KALRN: variants seen among roughly 807,000 people sequenced by gnomAD.
KALRN encodes kalirin.
KALRN carries 70 observed loss-of-function variants against 353.7 expected under a neutral mutation model. That is an observed-to-expected ratio of 0.20 (90% CI 0.16 to 0.24). The LOEUF is 0.24. KALRN is among the 10% of genes least tolerant of loss of function. The pLI, the probability that KALRN is intolerant of heterozygous loss-of-function variation, is 1.00. For missense variants in KALRN, 2,791 were observed against 3,756.7 expected (o/e 0.74, Z 6.72); for synonymous variants, 1,391 against 1,434.8 (o/e 0.97, Z 0.69).
At position 124,114,303 on chromosome 3, in the gene KALRN, A is replaced by G. The variant is rs141415070; in HGVS notation, c.73+80490A>G. ...AGAAATGGGATTTGGGGATACCATG[A>G]GCTCTTTTTCCCAGGGGTTCTTCTT... is the stretch of plus-strand genomic sequence containing the variant. On this transcript the variant is annotated intron_variant, in intron 1 of 59. Transcript: ENST00000682506. Among the ~76,000 whole-genome samples, 5 of 152,310 alleles carry G rather than the reference A, an allele frequency of 3.3e-5. No individual in the cohort carries two copies. In the East Asian group the frequency reaches 9.7e-4, roughly 29 times the overall value.
intron 57 of KALRN, among the ~76,000 whole-genome samples, chr3:124,702,503 T>C (rs2062389361): frequency 1.3e-5 from 2 of 152,210 alleles, no homozygotes; most frequent in Admixed American, 6.5e-5. Context: ...ATATGAGATT[T>C]TTAAAGGTAT....
At chr3:124,654,368 T>C (rs2083758130) in intron 38 of KALRN, among the ~76,000 whole-genome samples, 1 of 152,212 alleles carries the variant, frequency 6.6e-6, no homozygotes, top group South Asian at 2.1e-4. Flanking sequence ...CTTCTGGGGC[T>C]ATACGGAGCA....
intron 5 of KALRN, among the ~76,000 whole-genome samples, chr3:124,280,308 T>C (rs1425310399): frequency 2.0e-5 from 3 of 152,104 alleles, no homozygotes; most frequent in East Asian, 1.9e-4. Flanking sequence ...AAGTCCTCCT[T>C]CCAGCAGGCC....
chr3:124,047,659 ATTT>A (rs34217738), intron 1 of KALRN, among the ~76,000 whole-genome samples: 4 of 125,022 alleles, frequency 3.2e-5, no homozygotes, highest in African/African-American at 1.1e-4. Flanking sequence ...CGCCTGGCTA[ATTT>A]TTTTTTATTT....
chr3:124,595,044 G>A (rs188595686), intron 34 of KALRN, among the ~76,000 whole-genome samples: 2 of 151,874 alleles, frequency 1.3e-5, no homozygotes, highest in Non-Finnish European at 2.9e-5. Context: ...CAACTAGGAA[G>A]AGAACCTTGA....
chr3:124,477,078 G>C (rs1020688674), intron 26 of KALRN, among the ~76,000 whole-genome samples, 167 bp from the exon 27 acceptor site: 6 of 152,208 alleles, frequency 3.9e-5, no homozygotes, highest in African/African-American at 1.4e-4. Flanking sequence ...CCCAATGTCC[G>C]TTAGGGGACC....
At chr3:124,077,444 C>G (rs2060311759) in intron 1 of KALRN, among the ~76,000 whole-genome samples, 2 of 152,066 alleles carry the variant, frequency 1.3e-5, no homozygotes, top group South Asian at 4.1e-4. Context: ...CTTTCCCATG[C>G]CATGCACATA....
intron 1 of KALRN, among the ~76,000 whole-genome samples, chr3:124,060,970 A>G (rs534500900): frequency 2.2e-4 from 34 of 152,262 alleles, no homozygotes; most frequent in Non-Finnish European, 4.9e-4. Flanking sequence ...CTAGGTCCCA[A>G]CCCCCAGCAC....
At chr3:124,325,933 G>T in intron 6 of KALRN, 47 bp from the exon 7 acceptor site, 1 of 1,534,710 alleles carries the variant, frequency 6.5e-7, no homozygotes. Context: ...GTGCTCAGTG[G>T]ATGTCTTTTG....
intron 1 of KALRN, among the ~76,000 whole-genome samples, chr3:124,202,319 C>T (rs749874699): frequency 3.7e-4 from 56 of 152,156 alleles, no homozygotes; most frequent in Admixed American, 1.4e-3. Flanking sequence ...GGTGCGATCA[C>T]AGGTCACTGC....
chr3:124,403,503 C>A (rs576414867), intron 13 of KALRN, among the ~76,000 whole-genome samples: 1 of 152,238 alleles, frequency 6.6e-6, no homozygotes, highest in South Asian at 2.1e-4. Context: ...ATGCTTAATG[C>A]ACCTGAAAGT....
At chr3:124,708,144 C>G (rs564062308) in intron 57 of KALRN, among the ~76,000 whole-genome samples, 1 of 152,338 alleles carries the variant, frequency 6.6e-6, no homozygotes, top group East Asian at 1.9e-4. Context: ...CCAAAACATA[C>G]AAATAAACCA....
chr3:124,444,872 A>C (rs552721333), intron 19 of KALRN, among the ~76,000 whole-genome samples: 3 of 152,152 alleles, frequency 2.0e-5, no homozygotes, highest in Non-Finnish European at 4.4e-5. Context: ...AGCCTAAAAG[A>C]TGAAAAACAG....
chr3:124,375,140 A>G (rs2086413513), intron 10 of KALRN, among the ~76,000 whole-genome samples: 1 of 152,086 alleles, frequency 6.6e-6, no homozygotes, highest in Non-Finnish European at 1.5e-5. Context: ...AGAGGAGTGG[A>G]GATTATGTTA....
chr3:124,420,522 T>C (rs889472233), intron 14 of KALRN, among the ~76,000 whole-genome samples: 1 of 152,200 alleles, frequency 6.6e-6, no homozygotes, highest in Non-Finnish European at 1.5e-5. Flanking sequence ...GTATTCTTAC[T>C]TTTGATTTCA....
rs1396704450 is a variant in KALRN at position 124,492,895 on chromosome 3, T to C, written c.4832+13T>C. On this transcript the variant is annotated intron_variant, in intron 32 of 59. Coordinates refer to ENST00000682506, the MANE Select transcript of KALRN (RefSeq NM_001388419.1). ...ACAATAGTAAGAGGTAACCAGCACC[T>C]CTCCCTCCAGCACTGCCTGCCTCAC... The C allele has an allele frequency of 6.2e-7, 1 of 1,613,028 alleles. No homozygotes were observed. The highest frequency in any genetic ancestry group is 8.5e-7 in the Non-Finnish European group (1 of 1,179,250).
chr3:124,420,330 A>G (rs868586776), intron 14 of KALRN, among the ~76,000 whole-genome samples: 7 of 152,222 alleles, frequency 4.6e-5, no homozygotes, highest in African/African-American at 1.7e-4. Context: ...GCCCAAGCCC[A>G]GCATCCTGAA....
At chr3:124,425,499 T>G (rs2092973124) in intron 15 of KALRN, among the ~76,000 whole-genome samples, 1 of 152,168 alleles carries the variant, frequency 6.6e-6, no homozygotes, top group Admixed American at 6.5e-5. Context: ...TGGCCTAAGC[T>G]TGATGGAGAG....
chr3:124,114,698 G>C (rs986924268), intron 1 of KALRN, among the ~76,000 whole-genome samples: 2 of 152,182 alleles, frequency 1.3e-5, no homozygotes, highest in Non-Finnish European at 2.9e-5. Context: ...TTGTGAGCAG[G>C]AATGAGCATG....
Sources: allele counts gnomAD v4.1 joint callset (sites outside exome capture counted in the v4.1 genomes callset), GRCh38; gene constraint gnomAD v4.1.1; transcripts MANE v1.5; gene names NCBI Gene and HGNC (gene_info 2026-07-23, HGNC 2026-07-21).